PPARD: variants seen among roughly 807,000 people sequenced by gnomAD.
The protein encoded by PPARD is peroxisome proliferator-activated receptor delta.
In PPARD, 6 loss-of-function variants were observed where a neutral mutation model predicts 39.5. That is an observed-to-expected ratio of 0.15 (90% CI 0.08 to 0.30). The LOEUF (loss-of-function observed/expected upper bound fraction) is 0.30, where lower values mean the gene tolerates loss of function less well. PPARD is among the 10% of genes least tolerant of loss of function. The pLI is 1.00. For missense variants in PPARD, 397 were observed against 596.8 expected (o/e 0.67, Z 3.49); for synonymous variants, 210 against 231.3 (o/e 0.91, Z 0.83).
intron 2 of PPARD, among the ~76,000 whole-genome samples, chr6:35,398,423 C>T (rs1764481237): frequency 6.6e-6 from 1 of 152,074 alleles, no homozygotes; most frequent in South Asian, 2.1e-4. Flanking sequence ...TGAGAGAGAC[C>T]ATGGGGGGAA....
At chr6:35,405,635 G>C (rs1482653652) in intron 2 of PPARD, among the ~76,000 whole-genome samples, 1 of 151,440 alleles carries the variant, frequency 6.6e-6, no homozygotes, top group African/African-American at 2.4e-5. Flanking sequence ...TATTGTGGTT[G>C]TTGTTGTTGT....
At chr6:35,348,967 T>C (rs1378291217) in intron 2 of PPARD, 18 of 985,280 alleles carry the variant, frequency 1.8e-5, no homozygotes, top group Non-Finnish European at 2.2e-5. Flanking sequence ...GGGTCAGTTG[T>C]CCAGTTCATC....
At chr6:35,415,803 T>TGTGTGTGTGTGTGTGTG (rs1562219892) in intron 3 of PPARD, among the ~76,000 whole-genome samples, 2 of 151,522 alleles carry the variant, frequency 1.3e-5, no homozygotes, top group Middle Eastern at 3.4e-3. Flanking sequence ...TGTGTGTGTG[T>TGTGTGTGTGTGTGTGTG]TGAAAGAAAG....
chr6:35,368,963 G>A (rs1259310025), intron 2 of PPARD, among the ~76,000 whole-genome samples: 1 of 152,168 alleles, frequency 6.6e-6, no homozygotes, highest in African/African-American at 2.4e-5. Context: ...TCTTTGGTGT[G>A]AAGAATATGA....
intron 5 of PPARD, among the ~76,000 whole-genome samples, chr6:35,422,252 GA>G (rs1766220195): frequency 6.6e-6 from 1 of 152,166 alleles, no homozygotes; most frequent in African/African-American, 2.4e-5. Context: ...ACTGATAATT[GA>G]TACCAGCTTG....
intron 2 of PPARD, chr6:35,397,603 G>C (rs1764424009): frequency 1.0e-6 from 1 of 966,946 alleles, no homozygotes; most frequent in East Asian, 1.1e-4. Flanking sequence ...GGTGCGTGGT[G>C]AACAGACGTC....
At chr6:35,407,006 A>G (rs1765097435) in intron 2 of PPARD, among the ~76,000 whole-genome samples, 1 of 152,070 alleles carries the variant, frequency 6.6e-6, no homozygotes, top group Admixed American at 6.6e-5. Context: ...TAAGGCCTTA[A>G]TGGGGGCTGG....
chr6:35,386,751 T>C (rs1763686693), intron 2 of PPARD, among the ~76,000 whole-genome samples: 1 of 152,074 alleles, frequency 6.6e-6, no homozygotes, highest in Non-Finnish European at 1.5e-5. Context: ...GCTCTATAGA[T>C]GTGAGAGACA....
rs1313267343 is a variant in PPARD at position 35,412,506 on chromosome 6, A to G, written c.130+1289A>G. Among the ~76,000 whole-genome samples the G allele has an allele frequency of 6.6e-6, 1 of 152,166 alleles. No homozygotes were observed. On this transcript the variant is annotated intron_variant, in intron 3 of 7. Coordinates refer to ENST00000360694, the MANE Select transcript of PPARD (RefSeq NM_006238.5). The surrounding 1 kb of genome is among the most constrained non-coding windows in gnomAD (Gnocchi z 4.1). ...AGCAGGAGGAGGCAGTTAGTGTCCAAGCTAAGGCAGGGTGAAGGCTGTGGA... is the reference window on the plus strand; with the variant it reads ...AGCAGGAGGAGGCAGTTAGTGTCCAGGCTAAGGCAGGGTGAAGGCTGTGGA...
At position 35,427,427 on chromosome 6, in the gene PPARD, C is replaced by T. The variant is rs1766651256; in HGVS notation, c.*1348C>T. 1 of 152,304 alleles carries T rather than the reference C, an allele frequency of 6.6e-6. No individual in the cohort carries two copies. The highest frequency in any genetic ancestry group is 1.5e-5 in the Non-Finnish European group (1 of 68,158). The allele number at this position is 152,304 out of a possible 1,614,324, so 9.4% of individuals were successfully genotyped here. A position where few individuals can be genotyped will look rare whatever the true frequency, so the allele number is the denominator to read the frequency against. On this transcript the variant is annotated 3_prime_UTR_variant, in exon 8 of 8. Coordinates refer to ENST00000360694, the MANE Select transcript of PPARD (RefSeq NM_006238.5). ...GCCCAGCACCTGCTCCCAGTGGGAG[C>T]TTCCCGGGATAAACTGAGCCTGTTC...
rs75330807 is a variant in PPARD at position 35,411,477 on chromosome 6, G to A, written c.130+260G>A. On this transcript the variant is annotated intron_variant, in intron 3 of 7. Coordinates refer to ENST00000360694, the MANE Select transcript of PPARD (RefSeq NM_006238.5). ...GTAGGTGATGTGGATATGGGCTTTCGTGAGAATTAAATGAGTGGGCATCTG... is the reference window on the plus strand; with the variant it reads ...GTAGGTGATGTGGATATGGGCTTTCATGAGAATTAAATGAGTGGGCATCTG... Among the ~76,000 whole-genome samples, 97 of 152,308 alleles carry A rather than the reference G, an allele frequency of 6.4e-4. No homozygotes were observed. In the East Asian group the frequency reaches 0.014, roughly 23 times the overall value.
chr6:35,358,413 G>A (rs1323966605), intron 2 of PPARD, among the ~76,000 whole-genome samples: 1 of 152,210 alleles, frequency 6.6e-6, no homozygotes. Context: ...GAGAATAAAT[G>A]TGTTTTGTTT....
chr6:35,370,267 G>T (rs992354855), intron 2 of PPARD, among the ~76,000 whole-genome samples: 3 of 152,138 alleles, frequency 2.0e-5, no homozygotes, highest in Non-Finnish European at 4.4e-5. Flanking sequence ...CCTCATTGTG[G>T]CTCCGTGGTA....
chr6:35,374,316 G>GGT (rs1554205524), intron 2 of PPARD, among the ~76,000 whole-genome samples: 9 of 150,116 alleles, frequency 6.0e-5, no homozygotes, highest in African/African-American at 2.3e-4. Context: ...GGTGGGGCGG[G>GGT]GGGGTTTAGT....
chr6:35,384,415 C>G (rs1183880043), intron 2 of PPARD, among the ~76,000 whole-genome samples: 3 of 117,402 alleles, frequency 2.6e-5, no homozygotes, highest in African/African-American at 3.9e-5. Context: ...CCAGGCCAGC[C>G]GCCCCGTCCG....
At chr6:35,408,655 C>T (rs1478574933) in intron 2 of PPARD, among the ~76,000 whole-genome samples, 1 of 152,166 alleles carries the variant, frequency 6.6e-6, no homozygotes, top group African/African-American at 2.4e-5. Flanking sequence ...AGTGGGCAGC[C>T]GATTGCTTGG....
In PPARD at chr6:35,347,047, G is replaced by T; in HGVS notation, c.-185-20G>T. 1 of 1,478,944 alleles carries T rather than the reference G, an allele frequency of 6.8e-7. No individual in the cohort carries two copies. Among genetic ancestry groups the T allele is most frequent in the Non-Finnish European group, 9.1e-7 (1 of 1,100,444 alleles). The allele number at this position is 1,478,944 out of a possible 1,614,324, so 91.6% of individuals were successfully genotyped here. On this transcript the variant is annotated intron_variant, in intron 1 of 7. Coordinates refer to ENST00000360694, the MANE Select transcript of PPARD (RefSeq NM_006238.5). Reference sequence around the variant, plus strand: ...TGGCACCTGTCAGCTAAAGCTGTTGGGGTTTTTTCTATCCTGCAGTGTTGT... The same window carrying T: ...TGGCACCTGTCAGCTAAAGCTGTTGTGGTTTTTTCTATCCTGCAGTGTTGT...
intron 2 of PPARD, among the ~76,000 whole-genome samples, chr6:35,379,952 C>T (rs932341653): frequency 6.6e-6 from 1 of 152,210 alleles, no homozygotes; most frequent in African/African-American, 2.4e-5. Flanking sequence ...GCAGTTGCTG[C>T]TTTTGAGGTA....
At chr6:35,365,463 T>G (rs1368611652) in intron 2 of PPARD, among the ~76,000 whole-genome samples, 1 of 149,350 alleles carries the variant, frequency 6.7e-6, no homozygotes, top group Non-Finnish European at 1.5e-5. Flanking sequence ...TTTTTAACAG[T>G]TGGCTCATCC....
Sources: allele counts gnomAD v4.1 joint callset (sites outside exome capture counted in the v4.1 genomes callset), GRCh38; gene constraint gnomAD v4.1.1; non-coding constraint Gnocchi (gnomAD v3.1); transcripts MANE v1.5; gene names NCBI Gene and HGNC (gene_info 2026-07-23, HGNC 2026-07-21).